Variants in PAPPA2 observed in about 807,000 individuals in gnomAD.
PAPPA2 encodes the protein pappalysin 2.
Under a neutral mutation model 176.4 loss-of-function variants are expected in PAPPA2, and 86 were observed. That is an observed-to-expected ratio of 0.49 (90% CI 0.41 to 0.58). The LOEUF is 0.58. Among genes scored for constraint, PAPPA2 ranks in the 20% least tolerant of loss-of-function variants. The pLI is 0.00. For missense variants in PAPPA2, 2,073 were observed against 2,256.9 expected (o/e 0.92, Z 1.65); for synonymous variants, 809 against 852.2 (o/e 0.95, Z 0.88).
intron 1 of PAPPA2, among the ~76,000 whole-genome samples, chr1:176,534,198 T>C (rs910824762): frequency 2.0e-5 from 3 of 152,230 alleles, no homozygotes; most frequent in Admixed American, 2.0e-4. Flanking sequence ...TCTGTCAGAA[T>C]TATCCCATGT....
intron 17 of PAPPA2, among the ~76,000 whole-genome samples, chr1:176,778,199 A>T (rs1664549027): frequency 6.6e-6 from 1 of 152,080 alleles, no homozygotes; most frequent in African/African-American, 2.4e-5. Flanking sequence ...TTAAAAAAAA[A>T]TGTACTATTC....
chr1:176,584,070 G>A (rs570523366), intron 2 of PAPPA2, among the ~76,000 whole-genome samples: 2 of 152,272 alleles, frequency 1.3e-5, no homozygotes, highest in East Asian at 1.9e-4. Flanking sequence ...CACCTGTTTT[G>A]TGTCCTAATG....
At chr1:176,559,731 C>G (rs1282477498) in intron 2 of PAPPA2, among the ~76,000 whole-genome samples, 1 of 152,178 alleles carries the variant, frequency 6.6e-6, no homozygotes, top group Admixed American at 6.5e-5. Context: ...CCCTGGGAGC[C>G]ACATACAATT....
rs78217854 is a variant in PAPPA2, at chr1:176,490,843, C to T, written c.-917+27425C>T. 3.8e-3 allele frequency among the ~76,000 whole-genome samples: 578 copies of T among 152,258 alleles called. 2 individuals are homozygous for T. The highest frequency in any genetic ancestry group is 0.013 in the African/African-American group (546 of 41,546). On this transcript the variant is annotated intron_variant, in intron 1 of 22. Transcript: ENST00000367662. ...TGTGGTAGGAGCCCACAGTCTAGCT[C>T]GATCTCAGGTTCCCAACGCCCCAAA... is the stretch of plus-strand genomic sequence containing the variant.
chr1:176,646,133 A>C (rs1657386005), intron 3 of PAPPA2, among the ~76,000 whole-genome samples: 1 of 151,194 alleles, frequency 6.6e-6, no homozygotes, highest in Non-Finnish European at 1.5e-5. Context: ...GTTGCCTGTG[A>C]TTTTGAGGTT....
chr1:176,530,551 A>G (rs906054103), intron 1 of PAPPA2, among the ~76,000 whole-genome samples: 4 of 152,212 alleles, frequency 2.6e-5, no homozygotes, highest in Non-Finnish European at 5.9e-5. Context: ...TGTTAAATCA[A>G]AAATAAAGCA....
rs1303498403 is a variant in PAPPA2, at chr1:176,765,686, G to T, written c.4172G>T (p.Gly1391Val). 4.3e-6 allele frequency: 7 copies of T among 1,613,898 alleles called. No homozygotes were observed. The South Asian group carries it at 6.6e-5, about 15-fold the overall frequency. The change falls in exon 15 of 23, where the codon GGG becomes GTG. Residue 1391 changes from glycine to valine, a missense_variant. By Grantham distance (109) the Gly-to-Val change is moderately radical. Around this residue, in one of 4 missense-constraint regions of PAPPA2, gnomAD observed 846 missense variants for 857.9 expected, o/e 0.99. Coordinates refer to ENST00000367662, the MANE Select transcript of PAPPA2 (RefSeq NM_020318.3). Reference protein sequence around the residue: ...QGQSCIHRPCGKQDSCPSLLL... With the variant: ...QGQSCIHRPCVKQDSCPSLLL... ...CCCAGCTGTATCCATCGGCCCTGTG[G>T]GAAGCAGGACAGCTGTCCGTCATTG...
rs147025934 is a variant in PAPPA2, at chr1:176,797,631, A to G, written c.5131-2430A>G. On this transcript the variant is annotated intron_variant, in intron 20 of 22. Transcript: ENST00000367662. ...CACTGAACTCCAGCCTGGGTGACTG[A>G]GACTGTCTCAAAAAATATATATATA... is the stretch of plus-strand genomic sequence containing the variant. 7.7e-3 allele frequency among the ~76,000 whole-genome samples: 1,177 copies of G among 152,074 alleles called. 18 individuals are homozygous for G. The highest frequency in any genetic ancestry group is 0.026 in the African/African-American group (1,099 of 41,524).
chr1:176,635,749 A>G (rs550529535), intron 3 of PAPPA2, among the ~76,000 whole-genome samples: 146 of 152,114 alleles, frequency 9.6e-4, no homozygotes, highest in African/African-American at 3.4e-3. Context: ...TGACCTTTCC[A>G]TGTCATTTCC....
chr1:176,753,231 C>CG (rs1663261799), intron 14 of PAPPA2, among the ~76,000 whole-genome samples: 1 of 152,154 alleles, frequency 6.6e-6, no homozygotes, highest in African/African-American at 2.4e-5. Context: ...GAGAGGAAGC[C>CG]GGGGCACAGC....
At chr1:176,619,534 G>A (rs1358814266) in intron 3 of PAPPA2, among the ~76,000 whole-genome samples, 2 of 152,168 alleles carry the variant, frequency 1.3e-5, no homozygotes, top group Non-Finnish European at 2.9e-5. Context: ...AGTTGAATTG[G>A]TGCTGCTCAT....
At chr1:176,709,894 A>G (rs1465252272) in intron 10 of PAPPA2, 89 bp from the exon 11 acceptor site, 2 of 1,214,572 alleles carry the variant, frequency 1.6e-6, no homozygotes, top group Non-Finnish European at 2.3e-6. Flanking sequence ...AGTGGGCTGG[A>G]GAAGAAGTGT....
At chr1:176,781,365 CTT>C (rs35029858) in intron 17 of PAPPA2, among the ~76,000 whole-genome samples, 38 of 46,228 alleles carry the variant, frequency 8.2e-4, no homozygotes, top group South Asian at 1.5e-3. Context: ...TTGTAAGGGG[CTT>C]TTTTTTTTTT....
intron 17 of PAPPA2, among the ~76,000 whole-genome samples, chr1:176,788,876 T>C (rs572266283): frequency 5.9e-5 from 9 of 152,330 alleles, no homozygotes; most frequent in African/African-American, 1.7e-4. Flanking sequence ...AGAATCTCTG[T>C]TTTAAAAGAA....
At chr1:176,625,433 C>T (rs1024750353) in intron 3 of PAPPA2, among the ~76,000 whole-genome samples, 14 of 152,066 alleles carry the variant, frequency 9.2e-5, no homozygotes, top group East Asian at 1.9e-4. Context: ...ATACTCTGCC[C>T]GACATGTAAC....
chr1:176,466,265 G>A lies in PAPPA2; in HGVS notation c.-917+2847G>A, dbSNP rs988261758. On this transcript the variant is annotated intron_variant, in intron 1 of 22. Transcript: ENST00000367662. The stretch of plus-strand genomic sequence containing the variant: ...TTGCTGCAAAGGCCAAATGAACATC[G>A]GCCAAGCTACTGTGGAAGGATTCTT... Among the ~76,000 whole-genome samples, 4 of 152,138 alleles carry A rather than the reference G, an allele frequency of 2.6e-5. No homozygotes were observed. In the South Asian group the frequency reaches 8.3e-4, roughly 32 times the overall value.
In PAPPA2 at chr1:176,603,410, T is replaced by C. The variant is rs546165430; in HGVS notation, c.1991+7815T>C. On this transcript the variant is annotated intron_variant, in intron 3 of 22. Coordinates refer to ENST00000367662, the MANE Select transcript of PAPPA2 (RefSeq NM_020318.3). ...CCTAACCAGGCCCTCTTTCCCTTGA[T>C]GTCAGAGTTGTAGAGTGGGTAGTGG... Among the ~76,000 whole-genome samples, 5 of 152,326 alleles carry C rather than the reference T, an allele frequency of 3.3e-5. No individual in the cohort carries two copies. The South Asian group carries it at 6.2e-4, about 19-fold the overall frequency.
Position 176,710,043 on chromosome 1 carries a change from A to G in PAPPA2, c.3518A>G (p.Lys1173Arg). The G allele has an allele frequency of 6.2e-7, 1 of 1,613,344 alleles. No homozygotes were observed. Among genetic ancestry groups the G allele is most frequent in the Admixed American group, 1.7e-5 (1 of 59,962 alleles). Reference protein sequence around the residue: ...GDGICEPFERKTSIVDCGIYT... With the variant: ...GDGICEPFERRTSIVDCGIYT... Reference sequence around the variant, plus strand: ...GGCATATGTGAACCTTTTGAGAGAAAAACCAGCATTGTAGACTGTGGCATC... The same window carrying G: ...GGCATATGTGAACCTTTTGAGAGAAGAACCAGCATTGTAGACTGTGGCATC... The change falls in exon 11 of 23, where the codon AAA becomes AGA. Residue 1173 changes from lysine (K) to arginine (R), a missense_variant. Lys to Arg is a conservative substitution (Grantham distance 26). Around this residue, in one of 4 missense-constraint regions of PAPPA2, gnomAD observed 846 missense variants for 857.9 expected, o/e 0.99. Coordinates refer to ENST00000367662, the MANE Select transcript of PAPPA2 (RefSeq NM_020318.3).
At chr1:176,507,486 T>G (rs951126195) in intron 1 of PAPPA2, among the ~76,000 whole-genome samples, 3 of 152,156 alleles carry the variant, frequency 2.0e-5, no homozygotes, top group Admixed American at 2.0e-4. Context: ...CACCTGCACT[T>G]GTATGTTCAT....
Sources: gnomAD v4.1 joint callset for allele counts (sites outside exome capture counted in the v4.1 genomes callset) on GRCh38, gnomAD v4.1.1 for gene constraint, gnomAD v4.1.1 regional missense constraint, MANE v1.5 for transcripts, NCBI Gene and HGNC (gene_info 2026-07-23, HGNC 2026-07-21) for gene names.